Variants in CSGALNACT1 observed in about 807,000 individuals in gnomAD.
CSGALNACT1 encodes chondroitin sulfate N-acetylgalactosaminyltransferase 1.
A neutral mutation model predicts 51.0 loss-of-function variants in CSGALNACT1; 52 were observed. The ratio of observed to expected loss-of-function variants is 1.02; its 90% CI spans 0.82 to 1.29. The LOEUF is 1.29. CSGALNACT1 is among the 50% of genes most tolerant of loss of function. The pLI is 0.00. For missense variants in CSGALNACT1, 935 were observed against 679.2 expected, an observed-to-expected ratio of 1.38 and a Z score of -4.19; for synonymous variants, 341 against 254.4, an observed-to-expected ratio of 1.34 and a Z score of -3.24.
chr8:19,452,801 G>A (rs558071585), intron 5 of CSGALNACT1, among the ~76,000 whole-genome samples: 18 of 152,080 alleles, frequency 1.2e-4, no homozygotes, highest in African/African-American at 2.7e-4. Flanking sequence ...CAAGCGAGCC[G>A]GGCAAAACTC....
Position 19,615,984 on chromosome 8 carries a change from C to T in CSGALNACT1, c.-543-14119G>A, listed in dbSNP as rs1046034815. On this transcript the variant is annotated intron_variant, in intron 1 of 9. Transcript: ENST00000332246. ...GATGTTACAGCCAAATAGGCATATC[C>T]ATATCATCAACTCTTAAGAAGACAA... is the stretch of plus-strand genomic sequence containing the variant. Among the ~76,000 whole-genome samples, 3 of 152,150 alleles carry T rather than the reference C, an allele frequency of 2.0e-5. No individual in the cohort carries two copies. In the East Asian group the frequency reaches 5.8e-4, roughly 29 times the overall value.
intron 2 of CSGALNACT1, among the ~76,000 whole-genome samples, chr8:19,591,741 T>C (rs1052340973): frequency 6.6e-6 from 1 of 150,694 alleles, no homozygotes; most frequent in Non-Finnish European, 1.5e-5. Context: ...TTGGGCAACA[T>C]AGTGAGATTC....
chr8:19,675,684 G>T (rs569508733), intron 1 of CSGALNACT1, among the ~76,000 whole-genome samples: 1 of 152,176 alleles, frequency 6.6e-6, no homozygotes, highest in African/African-American at 2.4e-5. Context: ...AGTAGAGACA[G>T]GGTTTCACTG....
chr8:19,488,822 T>C (rs925454994), intron 4 of CSGALNACT1, among the ~76,000 whole-genome samples: 2 of 152,172 alleles, frequency 1.3e-5, no homozygotes, highest in African/African-American at 4.8e-5. Flanking sequence ...AAGAACCCTG[T>C]ATACCTGACA....
intron 1 of CSGALNACT1, among the ~76,000 whole-genome samples, chr8:19,682,245 G>A (rs1218293106): frequency 6.6e-6 from 1 of 152,128 alleles, no homozygotes; most frequent in African/African-American, 2.4e-5. Flanking sequence ...CCTGCCTCGG[G>A]TCCAGCAAGT....
intron 6 of CSGALNACT1, among the ~76,000 whole-genome samples, chr8:19,434,911 C>A (rs113920320): frequency 6.5e-4 from 99 of 151,944 alleles, no homozygotes; most frequent in Non-Finnish European, 1.1e-3. Context: ...CTGGAACAAA[C>A]CATTTCCCCC....
At chr8:19,544,405 T>C (rs1329650221) in intron 3 of CSGALNACT1, among the ~76,000 whole-genome samples, 2 of 152,240 alleles carry the variant, frequency 1.3e-5, no homozygotes, top group Non-Finnish European at 2.9e-5. Context: ...ATACTGAACA[T>C]ACTAAACATG....
intron 1 of CSGALNACT1, among the ~76,000 whole-genome samples, chr8:19,721,097 G>A (rs992856527): frequency 6.6e-6 from 1 of 152,312 alleles, no homozygotes; most frequent in African/African-American, 2.4e-5. Flanking sequence ...CTTTTCTGCT[G>A]GAATTCAGTC....
chr8:19,485,848 C>T (rs950316599), intron 4 of CSGALNACT1, among the ~76,000 whole-genome samples: 3 of 142,842 alleles, frequency 2.1e-5, no homozygotes, highest in Non-Finnish European at 3.0e-5. Context: ...CTCAGCACAA[C>T]CTCTGCCTAC....
intron 3 of CSGALNACT1, among the ~76,000 whole-genome samples, chr8:19,508,749 T>G (rs2077854733): frequency 6.6e-6 from 1 of 152,234 alleles, no homozygotes; most frequent in Non-Finnish European, 1.5e-5. Context: ...TGTGGAAACT[T>G]AAATTATGCT....
At chr8:19,598,906 G>A (rs1029078111) in intron 2 of CSGALNACT1, among the ~76,000 whole-genome samples, 1 of 152,148 alleles carries the variant, frequency 6.6e-6, no homozygotes, top group Non-Finnish European at 1.5e-5. Flanking sequence ...TCATTCTTTT[G>A]TTTGGTGCCT....
intron 8 of CSGALNACT1, among the ~76,000 whole-genome samples, chr8:19,413,754 C>G (rs550262162): frequency 6.6e-6 from 1 of 152,192 alleles, no homozygotes; most frequent in Admixed American, 6.5e-5. Context: ...CGGGTAAGAC[C>G]ACATGGCAGA....
intron 8 of CSGALNACT1, among the ~76,000 whole-genome samples, chr8:19,413,708 A>G (rs2056336447): frequency 6.6e-6 from 1 of 152,218 alleles, no homozygotes. Context: ...CTATGCACAC[A>G]CTGAACAGTA....
chr8:19,452,116 C>T (rs1353164605), intron 5 of CSGALNACT1, among the ~76,000 whole-genome samples: 1 of 152,202 alleles, frequency 6.6e-6, no homozygotes, highest in African/African-American at 2.4e-5. Context: ...TCAATTTCAA[C>T]AGAGTGGAGA....
At chr8:19,474,366 T>C (rs1055353261) in intron 4 of CSGALNACT1, among the ~76,000 whole-genome samples, 1 of 152,198 alleles carries the variant, frequency 6.6e-6, no homozygotes, top group African/African-American at 2.4e-5. Flanking sequence ...GCAGTATTTT[T>C]AAAATTTACT....
intron 5 of CSGALNACT1, among the ~76,000 whole-genome samples, chr8:19,441,996 T>C (rs575078370): frequency 6.6e-6 from 1 of 152,200 alleles, no homozygotes; most frequent in Admixed American, 6.5e-5. Context: ...ATCAGAGAAA[T>C]GCAAATCAAA....
chr8:19,456,874 G>A (rs1235470262), intron 5 of CSGALNACT1, among the ~76,000 whole-genome samples: 1 of 152,204 alleles, frequency 6.6e-6, no homozygotes, highest in East Asian at 1.9e-4. Flanking sequence ...GAAAAGACTA[G>A]GGGAGTTGTG....
chr8:19,750,563 T>C (rs570829699), intron 1 of CSGALNACT1, among the ~76,000 whole-genome samples: 3 of 152,270 alleles, frequency 2.0e-5, no homozygotes, highest in African/African-American at 7.2e-5. Context: ...GCAACAAGCC[T>C]ATAAGATGTT....
chr8:19,732,779 T>C (rs936593168), intron 1 of CSGALNACT1, among the ~76,000 whole-genome samples: 1 of 152,264 alleles, frequency 6.6e-6, no homozygotes, highest in African/African-American at 2.4e-5. Flanking sequence ...TCACCCTCTG[T>C]ATTACTTTGC....
Sources: allele counts gnomAD v4.1 joint callset (sites outside exome capture counted in the v4.1 genomes callset), GRCh38; gene constraint gnomAD v4.1.1; transcripts MANE v1.5; gene names NCBI Gene and HGNC (gene_info 2026-07-23, HGNC 2026-07-21).